RGS7: variants seen among roughly 807,000 people sequenced by gnomAD.
RGS7 encodes the protein regulator of G protein signaling 7, also known as regulator of G-protein signaling 7.
Under a neutral mutation model 81.1 loss-of-function variants are expected in RGS7, and 27 were observed. The ratio of observed to expected loss-of-function variants is 0.33; its 90% CI spans 0.25 to 0.46. The LOEUF (loss-of-function observed/expected upper bound fraction) is 0.46. Among genes scored for constraint, RGS7 ranks in the 20% least tolerant of loss-of-function variants. The pLI is 1.00. For synonymous variants in RGS7, 208 were observed against 207.7 expected, an observed-to-expected ratio of 1.00 and a Z score of -0.01; for missense variants, 396 against 607.4, an observed-to-expected ratio of 0.65 and a Z score of 3.66.
At chr1:240,813,128 T>C (rs1690171282) in intron 13 of RGS7, among the ~76,000 whole-genome samples, 1 of 152,234 alleles carries the variant, frequency 6.6e-6, no homozygotes, top group Non-Finnish European at 1.5e-5. Context: ...AAAGAAACTA[T>C]GGAGTCCTAA....
At chr1:241,343,225 G>A (rs146710281) in intron 2 of RGS7, among the ~76,000 whole-genome samples, 2,952 of 148,690 alleles carry the variant, frequency 0.02, 43 homozygotes, top group Middle Eastern at 0.045. Context: ...TTGCACCACT[G>A]CACTCCAGCC....
intron 10 of RGS7, among the ~76,000 whole-genome samples, chr1:240,822,078 G>A (rs1328470764): frequency 6.6e-6 from 1 of 152,164 alleles, no homozygotes; most frequent in East Asian, 1.9e-4. Context: ...TATTGGATGG[G>A]ATTAACATTT....
intron 2 of RGS7, among the ~76,000 whole-genome samples, chr1:241,136,950 T>C (rs1476705066): frequency 1.3e-5 from 2 of 152,194 alleles, no homozygotes; most frequent in African/African-American, 2.4e-5. Flanking sequence ...TGCATCATCA[T>C]TGGATGATGC....
intron 2 of RGS7, among the ~76,000 whole-genome samples, chr1:241,158,038 T>C (rs985950909): frequency 6.6e-6 from 1 of 151,680 alleles, no homozygotes; most frequent in Non-Finnish European, 1.5e-5. Context: ...GCCAGGATGG[T>C]CTCATCTCCT....
chr1:241,307,308 A>G (rs766411769), intron 2 of RGS7, among the ~76,000 whole-genome samples: 6 of 152,212 alleles, frequency 3.9e-5, no homozygotes, highest in Non-Finnish European at 7.3e-5. Flanking sequence ...GCCTATTAAT[A>G]GTTCCACAAT....
At chr1:241,333,613 C>T (rs1377071640) in intron 2 of RGS7, among the ~76,000 whole-genome samples, 2 of 152,116 alleles carry the variant, frequency 1.3e-5, no homozygotes, top group African/African-American at 4.8e-5. Flanking sequence ...AAATCCAAAA[C>T]ACTGTGTAAG....
chr1:241,333,599 T>C (rs542791334), intron 2 of RGS7, among the ~76,000 whole-genome samples: 11 of 152,296 alleles, frequency 7.2e-5, no homozygotes, highest in East Asian at 3.8e-4. Flanking sequence ...GGAAACACTA[T>C]GTAAAATCCA....
intron 6 of RGS7, among the ~76,000 whole-genome samples, chr1:240,921,787 T>C (rs534251796): frequency 6.6e-6 from 1 of 152,166 alleles, no homozygotes; most frequent in Admixed American, 6.6e-5. Flanking sequence ...ACCAAATATG[T>C]GGATAAGAAG....
chr1:241,113,897 T>C (rs1480723686), intron 2 of RGS7, among the ~76,000 whole-genome samples: 3 of 152,188 alleles, frequency 2.0e-5, no homozygotes, highest in Admixed American at 2.0e-4. Context: ...AGACTTTCTT[T>C]ATTCCCTACT....
At chr1:241,134,126 ATAATT>A (rs1281652386) in intron 2 of RGS7, among the ~76,000 whole-genome samples, 5 of 152,242 alleles carry the variant, frequency 3.3e-5, no homozygotes, top group Non-Finnish European at 7.3e-5. Context: ...TAAATTTAGA[ATAATT>A]TAAGTTAAAC....
chr1:241,170,055 C>T (rs2070614729), intron 2 of RGS7, among the ~76,000 whole-genome samples: 1 of 151,952 alleles, frequency 6.6e-6, no homozygotes, highest in South Asian at 2.1e-4. Context: ...GAAGGGCCAC[C>T]GTCCATCAGC....
intron 3 of RGS7, among the ~76,000 whole-genome samples, chr1:240,995,136 T>C (rs1000546699): frequency 4.6e-5 from 7 of 152,230 alleles, no homozygotes; most frequent in Non-Finnish European, 1.0e-4. Context: ...GTTAATTTGC[T>C]GGATTACAGG....
chr1:241,221,428 T>A (rs561729187), intron 2 of RGS7, among the ~76,000 whole-genome samples: 2 of 152,210 alleles, frequency 1.3e-5, no homozygotes, highest in Non-Finnish European at 2.9e-5. Context: ...GCTTCCTTTG[T>A]CCATGGATAT....
intron 10 of RGS7, among the ~76,000 whole-genome samples, chr1:240,823,892 T>A (rs1361086421): frequency 7.1e-6 from 1 of 140,160 alleles, no homozygotes; most frequent in East Asian, 2.3e-4. Context: ...ACAGTAAAAA[T>A]TTTAGTATCG....
intron 2 of RGS7, among the ~76,000 whole-genome samples, chr1:241,277,535 T>C (rs1379878853): frequency 6.6e-6 from 1 of 150,798 alleles, no homozygotes; most frequent in African/African-American, 2.4e-5. Flanking sequence ...AGGAGAATGG[T>C]GTGAACCCAG....
At chr1:241,146,955 G>A (rs753204157) in intron 2 of RGS7, among the ~76,000 whole-genome samples, 7 of 152,248 alleles carry the variant, frequency 4.6e-5, no homozygotes, top group Admixed American at 1.3e-4. Context: ...TAATACCATC[G>A]TATTGGGGGT....
intron 6 of RGS7, among the ~76,000 whole-genome samples, chr1:240,896,747 G>A (rs917695739): frequency 2.6e-5 from 4 of 152,166 alleles, no homozygotes; most frequent in Non-Finnish European, 5.9e-5. Context: ...TTTTGGCTTA[G>A]GATTGTTTTG....
At chr1:240,824,066 A>T (rs1245434422) in intron 10 of RGS7, among the ~76,000 whole-genome samples, 1 of 152,166 alleles carries the variant, frequency 6.6e-6, no homozygotes, top group East Asian at 1.9e-4. Context: ...AAAAAGAAAG[A>T]CTTGAAAATA....
rs373597165 is a variant in RGS7 at position 240,827,179 on chromosome 1, A to G, written c.610-7T>C. The G allele has an allele frequency of 1.7e-5, 28 of 1,606,842 alleles. No homozygotes were observed. In the African/African-American group the frequency reaches 3.5e-4, roughly 20 times the overall value. On this transcript the variant is annotated splice_region_variant and splice_polypyrimidine_tract_variant and intron_variant, in intron 9 of 18. Transcript: ENST00000440928. ...TTGTATTTACACATCCAGGCTGGGAATGGAAAAACAGAGAGACAAATGAAT... is the reference window on the plus strand; with the variant it reads ...TTGTATTTACACATCCAGGCTGGGAGTGGAAAAACAGAGAGACAAATGAAT...
Sources: allele counts gnomAD v4.1 joint callset (sites outside exome capture counted in the v4.1 genomes callset), GRCh38; gene constraint gnomAD v4.1.1; transcripts MANE v1.5; gene names NCBI Gene and HGNC (gene_info 2026-07-23, HGNC 2026-07-21).